DOCK10: variants seen among roughly 807,000 people sequenced by gnomAD.
The protein encoded by DOCK10 is dedicator of cytokinesis 10.
In DOCK10, 145 loss-of-function variants were observed where a neutral mutation model predicts 280.1. That is an observed-to-expected ratio of 0.52 (90% CI 0.45 to 0.59). DOCK10 has a LOEUF of 0.59. DOCK10 is among the 20% of genes least tolerant of loss of function. DOCK10 has a pLI of 0.00. For synonymous variants in DOCK10, 915 were observed against 942.2 expected (o/e 0.97, Z 0.53); for missense variants, 2,368 against 2,651.7 (o/e 0.89, Z 2.35).
chr2:225,008,208 A>C (rs1040475244), intron 1 of DOCK10, among the ~76,000 whole-genome samples: 1 of 152,206 alleles, frequency 6.6e-6, no homozygotes, highest in South Asian at 2.1e-4. Flanking sequence ...TATGTTGCCC[A>C]GGGTGGACTC....
In DOCK10 at chr2:224,864,861, G is replaced by A. The variant is rs770999989; in HGVS notation, c.1479+5C>T. ...CCATCTCATCACAAGTAAACAAAGT[G>A]CCACCTGCTTTGGAAATTTTAGCCA... is the stretch of plus-strand genomic sequence containing the variant. On this transcript the variant is annotated splice_donor_5th_base_variant and intron_variant, in intron 12 of 55. Transcript: ENST00000258390. The A allele has an allele frequency of 1.9e-6, 3 of 1,613,846 alleles. No individual in the cohort carries two copies. The highest frequency in any genetic ancestry group is 2.5e-6 in the Non-Finnish European group (3 of 1,179,806).
chr2:224,845,166 G>A (rs767289695), intron 21 of DOCK10, 37 bp downstream of exon 21: 2 of 1,544,444 alleles, frequency 1.3e-6, no homozygotes, highest in South Asian at 2.4e-5. Flanking sequence ...AAGCTGGTGT[G>A]CTTTTTTAAA....
At chr2:224,898,728 C>A (rs558514282) in intron 3 of DOCK10, among the ~76,000 whole-genome samples, 1 of 152,304 alleles carries the variant, frequency 6.6e-6, no homozygotes, top group East Asian at 1.9e-4. Flanking sequence ...AGGTGCCCGC[C>A]ACCACGCCGG....
chr2:224,915,425 G>T (rs768466562), intron 3 of DOCK10, among the ~76,000 whole-genome samples: 25 of 151,968 alleles, frequency 1.6e-4, no homozygotes, highest in Non-Finnish European at 2.8e-4. Flanking sequence ...TCCTTAAAAG[G>T]TATTGTAATG....
intron 2 of DOCK10, among the ~76,000 whole-genome samples, chr2:224,921,101 A>AT (rs1701682501): frequency 2.0e-4 from 11 of 56,068 alleles, no homozygotes; most frequent in African/African-American, 8.2e-4. Context: ...TTAAAAAAAA[A>AT]AAAAAAAAAA....
chr2:224,992,210 T>A (rs1385263845), intron 1 of DOCK10, among the ~76,000 whole-genome samples: 1 of 152,250 alleles, frequency 6.6e-6, no homozygotes. Flanking sequence ...TCTGTACTTG[T>A]TCTATTTTAT....
Position 224,805,538 on chromosome 2 carries a change from AC to A in DOCK10, c.3815-10del. On this transcript the variant is annotated splice_polypyrimidine_tract_variant and intron_variant, in intron 34 of 55. Coordinates refer to ENST00000258390, the MANE Select transcript of DOCK10 (RefSeq NM_014689.3). This position sits in a 1 kb window ranked among gnomAD's most constrained non-coding sequence, Gnocchi z 4.3. Reference sequence around the variant, plus strand: ...AGCTATTGATGAAAATGCTGTAAACACAAGCCACAGCACACGTATGGGAATG... The same window carrying A: ...AGCTATTGATGAAAATGCTGTAAACAAAGCCACAGCACACGTATGGGAATG... 1 of 1,611,974 alleles carries A rather than the reference AC, an allele frequency of 6.2e-7. No individual in the cohort carries two copies. The highest frequency in any genetic ancestry group is 8.5e-7 in the Non-Finnish European group (1 of 1,178,652).
rs1012507581 is a variant in DOCK10, at chr2:224,801,918, G to T, written c.4391C>A (p.Thr1464Asn). ...TCCTATTATTTCAGTTTACTTACTG[G>T]TCATGGTATTGTCTAACATCTGTAA... ...KLLQMLDNTM[T>N]SNSNEIDIVH... The change falls in exon 40 of 56, where the codon ACC (threonine) becomes AAC (asparagine). Residue 1464 changes from threonine (T) to asparagine (N), a missense_variant and splice_region_variant. Transcript: ENST00000258390. The T allele has an allele frequency of 8.1e-6, 13 of 1,612,444 alleles. No individual in the cohort carries two copies. The highest frequency in any genetic ancestry group is 1.1e-5 in the Non-Finnish European group (13 of 1,179,038).
chr2:224,913,553 C>T (rs1331259806), intron 3 of DOCK10, among the ~76,000 whole-genome samples: 1 of 152,040 alleles, frequency 6.6e-6, no homozygotes, highest in Admixed American at 6.6e-5. Flanking sequence ...CAAATGATTT[C>T]TCTGATTAAA....
intron 50 of DOCK10, among the ~76,000 whole-genome samples, chr2:224,782,977 C>CG (rs35980168): frequency 2.0e-5 from 3 of 152,124 alleles, no homozygotes; most frequent in African/African-American, 7.2e-5. Flanking sequence ...TGTACACGTT[C>CG]GGGGGAATGC....
intron 43 of DOCK10, 140 bp downstream of exon 43, chr2:224,796,824 C>A: frequency 1.4e-6 from 1 of 734,226 alleles, no homozygotes; most frequent in Non-Finnish European, 2.3e-6. Flanking sequence ...TTAAACAGAA[C>A]TGAATGCTGT....
Position 224,773,319 on chromosome 2 carries a change from C to T in DOCK10, c.6042G>A (p.Lys2014=). 6.2e-7 allele frequency: 1 copy of T among 1,612,940 alleles called. No homozygotes were observed. The highest frequency in any genetic ancestry group is 1.7e-5 in the Admixed American group (1 of 59,998). ...TCGATTGGCTAATTACTTGTATTCTCTTCTTCACGTAGGGGAACAGGTGAC... is the reference window on the plus strand; with the variant it reads ...TCGATTGGCTAATTACTTGTATTCTTTTCTTCACGTAGGGGAACAGGTGAC... ...TTSHLFPYVK[K]RIQVISQSST... is the part of the protein sequence containing the mutation. Residue 2014 remains lysine, a synonymous_variant, in exon 53 of 56, where the codon AAG becomes AAA. Coordinates refer to ENST00000258390, the MANE Select transcript of DOCK10 (RefSeq NM_014689.3).
intron 50 of DOCK10, among the ~76,000 whole-genome samples, chr2:224,785,814 A>G (rs1314557730): frequency 6.6e-6 from 1 of 152,194 alleles, no homozygotes; most frequent in Non-Finnish European, 1.5e-5. Context: ...TGGTGAGCAG[A>G]GGAAAATATG....
At chr2:224,929,587 G>A (rs1375707785) in intron 2 of DOCK10, among the ~76,000 whole-genome samples, 1 of 152,280 alleles carries the variant, frequency 6.6e-6, no homozygotes, top group African/African-American at 2.4e-5. Flanking sequence ...CAGTGGGGGA[G>A]CCACAGAAGG....
At chr2:225,025,096 C>G (rs181876892) in intron 1 of DOCK10, among the ~76,000 whole-genome samples, 111 of 152,120 alleles carry the variant, frequency 7.3e-4, no homozygotes, top group Admixed American at 1.1e-3. Context: ...AAGTAGAAAA[C>G]AAGTATTTGC....
chr2:225,016,660 GA>G (rs1689613394), intron 1 of DOCK10, among the ~76,000 whole-genome samples: 2 of 70,472 alleles, frequency 2.8e-5, no homozygotes, highest in Non-Finnish European at 5.5e-5. Flanking sequence ...TAGATACATA[GA>G]TACATATATC....
At chr2:224,963,288 T>G (rs1222939961) in intron 1 of DOCK10, among the ~76,000 whole-genome samples, 1 of 152,254 alleles carries the variant, frequency 6.6e-6, no homozygotes, top group Non-Finnish European at 1.5e-5. Context: ...CCTTGCCTGA[T>G]GCCTCTACAT....
In DOCK10 at chr2:224,786,988, AATTTATGGGCCGTGTT is replaced by A; in HGVS notation, c.5655+18_5655+33del. On this transcript the variant is annotated intron_variant, in intron 50 of 55. Coordinates refer to ENST00000258390, the MANE Select transcript of DOCK10 (RefSeq NM_014689.3). This position sits in a 1 kb window ranked among gnomAD's most constrained non-coding sequence, Gnocchi z 4.7. Reference sequence around the variant, plus strand: ...AAGACAACATTCAACTGCTCAGCAGAATTTATGGGCCGTGTTATTTCTGGTGAACTTACCTGCCCAT... The same window carrying A: ...AAGACAACATTCAACTGCTCAGCAGAATTTCTGGTGAACTTACCTGCCCAT... 6.7e-6 allele frequency: 10 copies of A among 1,494,642 alleles called. No homozygotes were observed. Among genetic ancestry groups the A allele is most frequent in the Non-Finnish European group, 9.3e-6 (10 of 1,071,212 alleles). 92.6% of individuals were successfully genotyped at this position (1,494,642 alleles called of 1,614,324 possible).
At chr2:224,941,688 A>T (rs1182262868) in intron 1 of DOCK10, among the ~76,000 whole-genome samples, 4 of 152,056 alleles carry the variant, frequency 2.6e-5, no homozygotes, top group African/African-American at 9.7e-5. Flanking sequence ...TACTAAAAAT[A>T]CAAAAATTAG....
Sources: allele counts gnomAD v4.1 joint callset (sites outside exome capture counted in the v4.1 genomes callset), GRCh38; gene constraint gnomAD v4.1.1; non-coding constraint Gnocchi (gnomAD v3.1); transcripts MANE v1.5; gene names NCBI Gene and HGNC (gene_info 2026-07-23, HGNC 2026-07-21).